The following GABRG3 variants were observed in gnomAD, a reference collection of about 807,000 sequenced individuals.
GABRG3 encodes the protein gamma-aminobutyric acid receptor subunit gamma-3.
In GABRG3, 25 loss-of-function variants were observed where a neutral mutation model predicts 48.8. The ratio of observed to expected loss-of-function variants is 0.51; its 90% CI spans 0.37 to 0.72. The LOEUF (loss-of-function observed/expected upper bound fraction) is 0.72. GABRG3 is among the 30% of genes least tolerant of loss of function. The pLI, the probability that GABRG3 is intolerant of heterozygous loss-of-function variation, is 0.00. For missense variants in GABRG3, 394 were observed against 577.9 expected (o/e 0.68, Z 3.26); for synonymous variants, 227 against 217.6 (o/e 1.04, Z -0.38).
At chr15:27,298,367 G>A (rs1892073754) in intron 3 of GABRG3, among the ~76,000 whole-genome samples, 1 of 152,080 alleles carries the variant, frequency 6.6e-6, no homozygotes, top group African/African-American at 2.4e-5. Context: ...AAAGGTTTAT[G>A]CCTTTCTCCA....
chr15:27,396,901 C>A (rs1337711407), intron 5 of GABRG3, among the ~76,000 whole-genome samples: 1 of 151,798 alleles, frequency 6.6e-6, no homozygotes, highest in African/African-American at 2.4e-5. Flanking sequence ...GAGAAAGGCA[C>A]AATTATAGGA....
intron 5 of GABRG3, among the ~76,000 whole-genome samples, chr15:27,348,619 T>C (rs1341113023): frequency 1.3e-5 from 2 of 152,188 alleles, no homozygotes; most frequent in Admixed American, 1.3e-4. Context: ...GTACTTTGCC[T>C]CTTTCCAATG....
At chr15:27,011,692 C>T (rs866573567) in intron 2 of GABRG3, among the ~76,000 whole-genome samples, 2 of 151,690 alleles carry the variant, frequency 1.3e-5, no homozygotes, top group Non-Finnish European at 1.5e-5. Context: ...CTAAAAAATA[C>T]AAAAAATTAG....
intron 3 of GABRG3, among the ~76,000 whole-genome samples, chr15:27,240,407 G>T (rs540049702): frequency 4.6e-5 from 7 of 152,248 alleles, no homozygotes; most frequent in South Asian, 2.1e-4. Flanking sequence ...GCATCATATC[G>T]ATTTCTGCAA....
intron 5 of GABRG3, among the ~76,000 whole-genome samples, chr15:27,390,487 C>T (rs1270024271): frequency 6.6e-6 from 1 of 152,186 alleles, no homozygotes; most frequent in African/African-American, 2.4e-5. Context: ...TAGCACTCCT[C>T]AGTGAGTCCA....
At chr15:27,437,028 A>AGAGAGAGAGAGAGCGC (rs1358186246) in intron 5 of GABRG3, among the ~76,000 whole-genome samples, 8 of 150,780 alleles carry the variant, frequency 5.3e-5, no homozygotes, top group East Asian at 3.9e-4. Flanking sequence ...AGAGAGAGAG[A>AGAGAGAGAGAGAGCGC]GAGAGCGCCC....
chr15:27,303,377 C>A (rs1892277858), intron 3 of GABRG3, among the ~76,000 whole-genome samples: 3 of 151,632 alleles, frequency 2.0e-5, no homozygotes, highest in South Asian at 4.2e-4. Flanking sequence ...TCCAGGAACA[C>A]AAACTATCAA....
chr15:27,248,073 C>T (rs1428754658), intron 3 of GABRG3, among the ~76,000 whole-genome samples: 1 of 152,172 alleles, frequency 6.6e-6, no homozygotes, highest in East Asian at 1.9e-4. Flanking sequence ...ACTTATTTTT[C>T]CTCCCATTAA....
chr15:27,484,498 G>A (rs1890174327), intron 6 of GABRG3, among the ~76,000 whole-genome samples: 2 of 152,296 alleles, frequency 1.3e-5, no homozygotes, highest in Non-Finnish European at 2.9e-5. Flanking sequence ...ACATGTATGA[G>A]TTGATAGACA....
At chr15:27,284,178 GACAA>G in intron 3 of GABRG3, among the ~76,000 whole-genome samples, 1 of 152,286 alleles carries the variant, frequency 6.6e-6, no homozygotes, top group Non-Finnish European at 1.5e-5. Context: ...TAAAATAAAT[GACAA>G]ACTAAGCAGT....
At chr15:27,285,712 CT>C (rs999059025) in intron 3 of GABRG3, among the ~76,000 whole-genome samples, 1 of 152,096 alleles carries the variant, frequency 6.6e-6, no homozygotes, top group Non-Finnish European at 1.5e-5. Context: ...TTTCATGGTC[CT>C]GTTTCTGACT....
intron 3 of GABRG3, among the ~76,000 whole-genome samples, chr15:27,306,591 A>T (rs1301590354): frequency 2.6e-5 from 3 of 115,812 alleles, no homozygotes; most frequent in African/African-American, 3.0e-5. Flanking sequence ...TAAACATATA[A>T]TATAAACATA....
intron 5 of GABRG3, among the ~76,000 whole-genome samples, chr15:27,427,454 T>C (rs1340023649): frequency 6.6e-6 from 1 of 152,200 alleles, no homozygotes; most frequent in African/African-American, 2.4e-5. Context: ...CTTTGTAAAA[T>C]GGGGAATTAT....
intron 3 of GABRG3, among the ~76,000 whole-genome samples, chr15:27,191,003 C>G (rs542057917): frequency 6.6e-6 from 1 of 152,222 alleles, no homozygotes; most frequent in East Asian, 1.9e-4. Context: ...ATTTCAGGAG[C>G]AGGTTGTTCA....
intron 5 of GABRG3, among the ~76,000 whole-genome samples, chr15:27,372,121 TAACTCA>T (rs1216164700): frequency 1.3e-5 from 2 of 152,180 alleles, no homozygotes; most frequent in Non-Finnish European, 2.9e-5. Context: ...ACTTAAGTAT[TAACTCA>T]GCATTAAGCT....
At chr15:27,225,056 A>C in intron 3 of GABRG3, among the ~76,000 whole-genome samples, 1 of 152,218 alleles carries the variant, frequency 6.6e-6, no homozygotes, top group East Asian at 1.9e-4. Context: ...CAAAGACTAG[A>C]GTTCCTTCTT....
At chr15:27,494,023 T>C (rs1890421830) in intron 6 of GABRG3, among the ~76,000 whole-genome samples, 1 of 152,172 alleles carries the variant, frequency 6.6e-6, no homozygotes. Flanking sequence ...TTGAATTTTG[T>C]CTACTTTTTC....
At chr15:26,977,616 A>G (rs1894975986) in intron 2 of GABRG3, among the ~76,000 whole-genome samples, 1 of 152,166 alleles carries the variant, frequency 6.6e-6, no homozygotes, top group Non-Finnish European at 1.5e-5. Context: ...CAGCAAAATG[A>G]TTTTGAGATT....
chr15:27,182,323 G>A (rs959507173), intron 3 of GABRG3, among the ~76,000 whole-genome samples: 2 of 152,160 alleles, frequency 1.3e-5, no homozygotes, highest in African/African-American at 4.8e-5. Flanking sequence ...TTATTCGAAT[G>A]TGTACGGTAT....
Sources: gnomAD v4.1 joint callset for allele counts (sites outside exome capture counted in the v4.1 genomes callset) on GRCh38, gnomAD v4.1.1 for gene constraint, MANE v1.5 for transcripts, NCBI Gene and HGNC (gene_info 2026-07-23, HGNC 2026-07-21) for gene names.